PBRM1: variants seen among roughly 807,000 people sequenced by gnomAD.
PBRM1 encodes the protein protein polybromo-1.
A neutral mutation model predicts 194.5 loss-of-function variants in PBRM1; 27 were observed. That is an observed-to-expected ratio of 0.14 (90% CI 0.10 to 0.19). The LOEUF is 0.19. Ranked by LOEUF, PBRM1 falls within the 10% of genes least tolerant of loss-of-function variation. The pLI, the probability that PBRM1 is intolerant of heterozygous loss-of-function variation, is 1.00. For synonymous variants in PBRM1, 655 were observed against 693.2 expected (o/e 0.94, Z 0.87); for missense variants, 1,466 against 2,077.2 (o/e 0.71, Z 5.72).
chr3:52,683,959 C>CAG (rs112528903), upstream of PBRM1, among the ~76,000 whole-genome samples: 2 of 133,250 alleles, frequency 1.5e-5, no homozygotes, highest in South Asian at 4.5e-4. Flanking sequence ...CCGCTTGAGG[C>CAG]AGAGAGTTCA....
intron 17 of PBRM1, among the ~76,000 whole-genome samples, chr3:52,598,737 T>C (rs572120894): frequency 3.3e-5 from 5 of 152,204 alleles, no homozygotes; most frequent in Non-Finnish European, 5.9e-5. Flanking sequence ...TTTAAAAAAT[T>C]AGGCCAGGTG....
chr3:52,628,449 CA>C (rs1225452069), intron 12 of PBRM1, among the ~76,000 whole-genome samples: 1 of 142,570 alleles, frequency 7.0e-6, no homozygotes, highest in East Asian at 2.0e-4. Context: ...ATATAAAATA[CA>C]TATTTTATAT....
At chr3:52,563,453 C>T in exon 24 of PBRM1, 1 of 1,614,026 alleles carries the variant, frequency 6.2e-7, no homozygotes, top group Non-Finnish European at 8.5e-7. Context: ...ATCTTCTTTT[C>T]CAGCAAAGGT....
At chr3:52,623,123 T>C (rs2095335467) in intron 13 of PBRM1, among the ~76,000 whole-genome samples, 1 of 152,200 alleles carries the variant, frequency 6.6e-6, no homozygotes, top group African/African-American at 2.4e-5. Flanking sequence ...TGTCCCTTCC[T>C]TTCCCAAAAG....
upstream of PBRM1, among the ~76,000 whole-genome samples, chr3:52,683,216 A>AT (rs1310094511): frequency 8.6e-5 from 13 of 151,410 alleles, no homozygotes; most frequent in South Asian, 2.1e-4. Context: ...AAAATAATAA[A>AT]AAAAAAAATT....
In PBRM1 at chr3:52,599,901, C is replaced by T. The variant is rs909375472; in HGVS notation, c.2779+3620G>A. Among the ~76,000 whole-genome samples, 3 of 151,626 alleles carry T rather than the reference C, an allele frequency of 2.0e-5. No homozygotes were observed. The South Asian group carries it at 6.2e-4, about 31-fold the overall frequency. On this transcript the variant is annotated intron_variant, in intron 17 of 29. Transcript: ENST00000296302. ...AAAATATTTTTTATAAAAACATTAA[C>T]ATTTCATGGATGTATTATTTTTAAA...
intron 2 of PBRM1, 147 bp from the exon 4 acceptor site, chr3:52,668,792 A>G (rs1443165013): frequency 9.2e-6 from 4 of 433,106 alleles, no homozygotes; most frequent in Middle Eastern, 5.9e-4. Flanking sequence ...TTAAAAAAAA[A>G]AAAAAAAGAA....
chr3:52,574,748 G>A (rs375456913), intron 22 of PBRM1, among the ~76,000 whole-genome samples: 128 of 152,290 alleles, frequency 8.4e-4, no homozygotes, highest in African/African-American at 2.9e-3. Flanking sequence ...GAGTGTTGAA[G>A]GTGTGCTCCA....
chr3:52,636,277 A>G (rs774038480), intron 10 of PBRM1, among the ~76,000 whole-genome samples: 1 of 152,136 alleles, frequency 6.6e-6, no homozygotes, highest in Non-Finnish European at 1.5e-5. Flanking sequence ...GGGAATTTTT[A>G]GGTAGAAGCA....
chr3:52,591,447 T>C (rs963618997), intron 17 of PBRM1, among the ~76,000 whole-genome samples: 6 of 152,024 alleles, frequency 3.9e-5, no homozygotes, highest in African/African-American at 1.4e-4. Flanking sequence ...CTAGTTTATC[T>C]AGAGTTTTTA....
chr3:52,635,524 C>A (rs1202514125), intron 10 of PBRM1, among the ~76,000 whole-genome samples: 1 of 152,064 alleles, frequency 6.6e-6, no homozygotes, highest in Non-Finnish European at 1.5e-5. Flanking sequence ...CGAGATTACA[C>A]CACTGTACTC....
At chr3:52,685,556 G>A (rs1168577273) in intron 1 of PBRM1, 193 bp downstream of exon 1, 1 of 151,420 alleles carries the variant, frequency 6.6e-6, no homozygotes, top group East Asian at 1.9e-4. Flanking sequence ...CTGCCGGCAG[G>A]TGCGACAAGG....
At chr3:52,595,981 C>T (rs1268703089) in intron 17 of PBRM1, among the ~76,000 whole-genome samples, 1 of 152,170 alleles carries the variant, frequency 6.6e-6, no homozygotes, top group Non-Finnish European at 1.5e-5. Context: ...GGGTTCTCTA[C>T]TCTTTTCCAT....
chr3:52,670,400 T>C (rs2096922551), intron 2 of PBRM1, among the ~76,000 whole-genome samples: 1 of 152,180 alleles, frequency 6.6e-6, no homozygotes, highest in Non-Finnish European at 1.5e-5. Flanking sequence ...TAATCCAGAA[T>C]AAATAGCACC....
chr3:52,570,986 G>A (rs1448448740), intron 22 of PBRM1, among the ~76,000 whole-genome samples: 1 of 151,320 alleles, frequency 6.6e-6, no homozygotes, highest in East Asian at 1.9e-4. Context: ...GCCTCTCAAA[G>A]TGTTGGGACT....
intron 5 of PBRM1, among the ~76,000 whole-genome samples, chr3:52,653,832 C>A (rs2096558176): frequency 6.6e-6 from 1 of 152,084 alleles, no homozygotes; most frequent in Non-Finnish European, 1.5e-5. Flanking sequence ...ATCGCTTGAA[C>A]CTGGGAGGCA....
intron 20 of PBRM1, among the ~76,000 whole-genome samples, chr3:52,583,102 A>C (rs2091674607): frequency 1.5e-5 from 1 of 68,316 alleles, no homozygotes; most frequent in African/African-American, 3.6e-5. Flanking sequence ...ATCTCAAAAA[A>C]AAAAAAAAAA....
At chr3:52,656,233 T>G (rs2096605176) in intron 5 of PBRM1, among the ~76,000 whole-genome samples, 1 of 152,206 alleles carries the variant, frequency 6.6e-6, no homozygotes, top group Non-Finnish European at 1.5e-5. Flanking sequence ...TCTTCTTTTT[T>G]CAGGCAGAAG....
At chr3:52,618,281 C>G (rs80208930) in intron 13 of PBRM1, among the ~76,000 whole-genome samples, 2,056 of 152,236 alleles carry the variant, frequency 0.014, 61 homozygotes, top group African/African-American at 0.047. Flanking sequence ...CTGATTTAAG[C>G]AGTATGGAAC....
Sources: gnomAD v4.1 joint callset for allele counts (sites outside exome capture counted in the v4.1 genomes callset) on GRCh38, gnomAD v4.1.1 for gene constraint, MANE v1.5 for transcripts, NCBI Gene and HGNC (gene_info 2026-07-23, HGNC 2026-07-21) for gene names.